ABCC2: variants seen among roughly 807,000 people sequenced by gnomAD.
The protein encoded by ABCC2 is ATP binding cassette subfamily C member 2.
Under a neutral mutation model 173.4 loss-of-function variants are expected in ABCC2, and 157 were observed. That is an observed-to-expected ratio of 0.91 (90% confidence interval 0.80 to 1.03). ABCC2 has a LOEUF of 1.03. Among genes scored for constraint, ABCC2 ranks in the 50% least tolerant of loss-of-function variants. The pLI is 0.00. For missense variants in ABCC2, 1,822 were observed against 1,852.3 expected, an observed-to-expected ratio of 0.98 and a Z score of 0.30; for synonymous variants, 657 against 693.5, an observed-to-expected ratio of 0.95 and a Z score of 0.83.
intron 7 of ABCC2, among the ~76,000 whole-genome samples, chr10:99,798,377 T>C (rs1392852615): frequency 6.6e-6 from 1 of 152,102 alleles, no homozygotes; most frequent in Non-Finnish European, 1.5e-5. Flanking sequence ...GGCCAAAGCA[T>C]AGACAGAGGC....
intron 9 of ABCC2, among the ~76,000 whole-genome samples, chr10:99,801,628 A>G (rs2038017303): frequency 6.6e-6 from 1 of 152,236 alleles, no homozygotes; most frequent in East Asian, 1.9e-4. Context: ...GTTCCTTAAG[A>G]AATGAAAATA....
intron 19 of ABCC2, among the ~76,000 whole-genome samples, chr10:99,823,544 T>C (rs949853057): frequency 6.7e-6 from 1 of 149,438 alleles, no homozygotes; most frequent in Non-Finnish European, 1.5e-5. Flanking sequence ...CTTGTAACAC[T>C]GTAATGACTG....
intron 30 of ABCC2, among the ~76,000 whole-genome samples, chr10:99,850,085 C>T (rs1383732186): frequency 6.6e-6 from 1 of 152,236 alleles, no homozygotes; most frequent in African/African-American, 2.4e-5. Flanking sequence ...GCTAGAATTA[C>T]ACATTAAAAT....
At position 99,799,297 on chromosome 10, in the gene ABCC2, A is replaced by G. The variant is rs375385616; in HGVS notation, c.958A>G (p.Met320Val). ...GAAGGCTCTGTTCAAAACTTTCTACATGGTGCTCCTGAAATCATTCCTACT... is the reference window on the plus strand; with the variant it reads ...GAAGGCTCTGTTCAAAACTTTCTACGTGGTGCTCCTGAAATCATTCCTACT... Reference protein sequence around the residue: ...LMKALFKTFYMVLLKSFLLKL... With the variant: ...LMKALFKTFYVVLLKSFLLKL... The change falls in exon 8 of 32, where the codon ATG becomes GTG. Residue 320 changes from methionine (M) to valine (V), a missense_variant. Coordinates refer to ENST00000647814, the MANE Select transcript of ABCC2 (RefSeq NM_000392.5). The G allele has an allele frequency of 3.2e-5, 51 of 1,614,148 alleles. 1 individual carries two copies. Among genetic ancestry groups the G allele is most frequent in the East Asian group, 2.0e-4 (9 of 44,880 alleles).
intron 2 of ABCC2, among the ~76,000 whole-genome samples, chr10:99,787,134 C>T (rs1012705763): frequency 1.3e-5 from 2 of 150,326 alleles, no homozygotes; most frequent in Admixed American, 6.7e-5. Context: ...TGCCACTGCA[C>T]TCCAGCTTCA....
At chr10:99,830,601 C>T (rs1341863978) in intron 20 of ABCC2, 115 bp from the exon 21 acceptor site, 7 of 1,573,950 alleles carry the variant, frequency 4.4e-6, no homozygotes, top group Admixed American at 1.7e-5. Flanking sequence ...GTGTCAGTTT[C>T]CCCTGGTCAT....
rs2038002756 is a variant in ABCC2 at position 99,800,703 on chromosome 10, A to C, written c.1209+140A>C. The C allele has an allele frequency of 1.4e-5, 14 of 1,019,408 alleles. No individual in the cohort carries two copies. In the East Asian group the frequency reaches 3.3e-4, roughly 24 times the overall value. 63.1% of individuals were successfully genotyped at this position (1,019,408 alleles called of 1,614,324 possible). On this transcript the variant is annotated intron_variant, in intron 9 of 31. Coordinates refer to ENST00000647814, the MANE Select transcript of ABCC2 (RefSeq NM_000392.5). The stretch of plus-strand genomic sequence containing the variant: ...TGACTGGCCATACAGCCTCCTTTAG[A>C]TGTTTCTTTGGAAATTAGATTTTGA...
chr10:99,786,298 A>T (rs1429321742), intron 2 of ABCC2, among the ~76,000 whole-genome samples: 2 of 152,156 alleles, frequency 1.3e-5, no homozygotes, highest in Admixed American at 6.5e-5. Context: ...AAAATAAAAT[A>T]AAAATAAAAA....
intron 12 of ABCC2, 48 bp downstream of exon 12, chr10:99,807,569 T>A (rs1013811653): frequency 6.2e-7 from 1 of 1,613,094 alleles, no homozygotes; most frequent in Non-Finnish European, 8.5e-7. Flanking sequence ...TGGACCTGCA[T>A]CAGCTTCCTG....
At chr10:99,790,325 T>C (rs1346756856) in intron 2 of ABCC2, among the ~76,000 whole-genome samples, 1 of 152,250 alleles carries the variant, frequency 6.6e-6, no homozygotes, top group Non-Finnish European at 1.5e-5. Context: ...CATGTTCATA[T>C]GTTTAAAAGC....
chr10:99,793,794 T>C, intron 4 of ABCC2, 98 bp from the exon 5 acceptor site: 1 of 1,574,200 alleles, frequency 6.4e-7, no homozygotes, highest in Non-Finnish European at 8.7e-7. Flanking sequence ...TAGAGGGATT[T>C]GATCATAGGC....
chr10:99,813,067 G>A lies in ABCC2; in HGVS notation c.2017G>A (p.Val673Ile). Residue 673 changes from valine (V) to isoleucine (I), a missense_variant, in exon 16 of 32, where the codon GTC (valine) becomes ATC (isoleucine). Coordinates refer to ENST00000647814, the MANE Select transcript of ABCC2 (RefSeq NM_000392.5). Reference sequence around the variant, plus strand: ...CCAACTTGTGGCTGTGATAGGCCCTGTCGGCTCTGGGAAATCCTCCTTGAT... The same window carrying A: ...CCAACTTGTGGCTGTGATAGGCCCTATCGGCTCTGGGAAATCCTCCTTGAT... ...AGQLVAVIGP[V>I]GSGKSSLISA... The A allele has an allele frequency of 6.2e-7, 1 of 1,614,016 alleles. No homozygotes were observed. The highest frequency in any genetic ancestry group is 8.5e-7 in the Non-Finnish European group (1 of 1,179,872).
At chr10:99,811,104 G>A (rs974118252) in intron 14 of ABCC2, among the ~76,000 whole-genome samples, 5 of 152,002 alleles carry the variant, frequency 3.3e-5, no homozygotes, top group Non-Finnish European at 7.4e-5. Flanking sequence ...GCTGAGATGG[G>A]CAGATTGCTT....
chr10:99,841,898 C>T (rs945899613), intron 25 of ABCC2, 69 bp from the exon 26 acceptor site: 51 of 1,610,712 alleles, frequency 3.2e-5, no homozygotes, highest in Non-Finnish European at 3.8e-5. Flanking sequence ...GTTCTGTGAA[C>T]GCCAAGGTTG....
At chr10:99,825,882 A>C (rs528875183) in intron 19 of ABCC2, among the ~76,000 whole-genome samples, 1 of 152,350 alleles carries the variant, frequency 6.6e-6, no homozygotes, top group Admixed American at 6.5e-5. Flanking sequence ...TTATTCCCTG[A>C]AACACTTGGG....
chr10:99,830,747 CT>C lies in ABCC2; in HGVS notation c.2780del (p.Leu927ArgfsTer5), dbSNP rs1408874117. The C allele has an allele frequency of 6.2e-7, 1 of 1,613,980 alleles. No homozygotes were observed. Among genetic ancestry groups the C allele is most frequent in the Non-Finnish European group, 8.5e-7 (1 of 1,180,022 alleles). On this transcript the variant is annotated frameshift_variant, in exon 21 of 32. Transcript: ENST00000647814. LOFTEE classifies it high-confidence loss of function. ...GTCCAATGGCAGGCATCTGAAGTCC[CT>C]GAGAAACTCCTTGAAAACTCGGAAT... ...SRSNGRHLKS[L>X]RNSLKTRNVN...
rs1237124189 is a variant in ABCC2, at chr10:99,825,412, C to G, written c.2621-4895C>G. ...AGACATCTGCTCCAGTGTCTACCAA[C>G]CCTTCAAACTGTTTTCCTTGAATAA... On this transcript the variant is annotated intron_variant, in intron 19 of 31. Transcript: ENST00000647814. Among the ~76,000 whole-genome samples the G allele has an allele frequency of 2.6e-5, 4 of 152,252 alleles. No individual in the cohort carries two copies. The East Asian group carries it at 7.7e-4, about 29-fold the overall frequency.
At chr10:99,802,991 C>T (rs970086804) in intron 9 of ABCC2, among the ~76,000 whole-genome samples, 10 of 152,118 alleles carry the variant, frequency 6.6e-5, no homozygotes, top group East Asian at 1.9e-4. Flanking sequence ...TTTTTCAAGA[C>T]GGAGTCTCAC....
intron 2 of ABCC2, among the ~76,000 whole-genome samples, chr10:99,786,714 A>G (rs1026861397): frequency 6.6e-6 from 1 of 151,166 alleles, no homozygotes; most frequent in Non-Finnish European, 1.5e-5. Flanking sequence ...TAAAAATACA[A>G]AAACATTCGG....
Sources: allele counts gnomAD v4.1 joint callset (sites outside exome capture counted in the v4.1 genomes callset), GRCh38; gene constraint gnomAD v4.1.1; transcripts MANE v1.5; gene names NCBI Gene and HGNC (gene_info 2026-07-23, HGNC 2026-07-21).